The following EFNA5 variants were observed in gnomAD, a reference collection of about 807,000 sequenced individuals.
EFNA5 encodes ephrin-A5.
In EFNA5, 5 loss-of-function variants were observed where a neutral mutation model predicts 22.9. That is an observed-to-expected ratio of 0.22 (90% CI 0.11 to 0.46). The LOEUF (loss-of-function observed/expected upper bound fraction) is 0.46, where lower values mean the gene tolerates loss of function less well. Ranked by LOEUF, EFNA5 falls within the 20% of genes least tolerant of loss-of-function variation. The pLI, the probability that EFNA5 is intolerant of heterozygous loss-of-function variation, is 0.99. For synonymous variants in EFNA5, 113 were observed against 112.2 expected, an observed-to-expected ratio of 1.01 and a Z score of -0.04; for missense variants, 237 against 293.3, an observed-to-expected ratio of 0.81 and a Z score of 1.40.
chr5:107,422,262 T>C (rs1485382511), intron 2 of EFNA5, among the ~76,000 whole-genome samples: 1 of 152,212 alleles, frequency 6.6e-6, no homozygotes, highest in Admixed American at 6.5e-5. Flanking sequence ...TGGAACACAG[T>C]ACATGCTATA....
At chr5:107,523,317 T>C (rs17160097) in intron 1 of EFNA5, among the ~76,000 whole-genome samples, 2,175 of 151,994 alleles carry the variant, frequency 0.014, 52 homozygotes, top group African/African-American at 0.049. Context: ...TAAGAAATAG[T>C]CTCAGATATT....
chr5:107,557,976 T>C (rs1026795980), intron 1 of EFNA5, among the ~76,000 whole-genome samples: 3 of 152,182 alleles, frequency 2.0e-5, no homozygotes, highest in Non-Finnish European at 2.9e-5. Flanking sequence ...TGATAGTATC[T>C]ACCCCCACGG....
At chr5:107,598,872 G>T (rs1368801433) in intron 1 of EFNA5, among the ~76,000 whole-genome samples, 3 of 152,062 alleles carry the variant, frequency 2.0e-5, no homozygotes, top group Non-Finnish European at 4.4e-5. Context: ...ACATCTGACT[G>T]TGAACCATTT....
At chr5:107,556,084 T>G (rs1561431866) in intron 1 of EFNA5, among the ~76,000 whole-genome samples, 2 of 152,198 alleles carry the variant, frequency 1.3e-5, no homozygotes, top group Admixed American at 1.3e-4. Context: ...GTCTATTTGG[T>G]CAGTAAGTCA....
intron 2 of EFNA5, among the ~76,000 whole-genome samples, chr5:107,399,987 T>C (rs1440332136): frequency 6.6e-6 from 1 of 152,202 alleles, no homozygotes; most frequent in Non-Finnish European, 1.5e-5. Context: ...ATGAAACCTA[T>C]AATTTACGTG....
At chr5:107,414,298 C>T (rs1391263273) in intron 2 of EFNA5, among the ~76,000 whole-genome samples, 3 of 152,172 alleles carry the variant, frequency 2.0e-5, no homozygotes, top group Non-Finnish European at 4.4e-5. Flanking sequence ...CAATATGTTA[C>T]TACATCTTTA....
In EFNA5 at chr5:107,380,560, C is replaced by T. The variant is rs1747419919; in HGVS notation, c.*695G>A. Reference sequence around the variant, plus strand: ...TCACACCTGCTCTGTATTAGCATTCCACACCCAACCTGCCTCCTAGAAAAA... The same window carrying T: ...TCACACCTGCTCTGTATTAGCATTCTACACCCAACCTGCCTCCTAGAAAAA... On this transcript the variant is annotated 3_prime_UTR_variant, in exon 5 of 5. Transcript: ENST00000333274. The T allele has an allele frequency of 2.8e-6, 1 of 352,984 alleles. No individual in the cohort carries two copies. Among genetic ancestry groups the T allele is most frequent in the Non-Finnish European group, 5.0e-6 (1 of 199,688 alleles). 21.9% of individuals were successfully genotyped at this position (352,984 alleles called of 1,614,324 possible).
chr5:107,442,392 T>C lies in EFNA5; in HGVS notation c.126-14883A>G, dbSNP rs549697188. On this transcript the variant is annotated intron_variant, in intron 1 of 4. Transcript: ENST00000333274. ...AATAGTAGTTCTTTCCCAGGACCTA[T>C]AGATGTCATTCAAAATTCAGTACAT... Among the ~76,000 whole-genome samples, 5 of 152,300 alleles carry C rather than the reference T, an allele frequency of 3.3e-5. No homozygotes were observed. In the East Asian group the frequency reaches 7.7e-4, roughly 24 times the overall value.
At chr5:107,627,756 T>A (rs1750173078) in intron 1 of EFNA5, among the ~76,000 whole-genome samples, 1 of 152,166 alleles carries the variant, frequency 6.6e-6, no homozygotes. Context: ...GAATCATGTA[T>A]TTTATATTTG....
At chr5:107,590,190 A>G (rs980280521) in intron 1 of EFNA5, among the ~76,000 whole-genome samples, 2 of 152,170 alleles carry the variant, frequency 1.3e-5, no homozygotes, top group African/African-American at 4.8e-5. Context: ...GAAGGCTTTC[A>G]AGACCTTTAG....
chr5:107,418,169 A>G (rs901006272), intron 2 of EFNA5, among the ~76,000 whole-genome samples: 7 of 152,332 alleles, frequency 4.6e-5, no homozygotes. Context: ...ATAAGTTACT[A>G]AGAGAAACAC....
chr5:107,617,648 G>A (rs1467103364), intron 1 of EFNA5, among the ~76,000 whole-genome samples: 1 of 152,156 alleles, frequency 6.6e-6, no homozygotes, highest in East Asian at 1.9e-4. Flanking sequence ...AAGGAAATAG[G>A]AAGAATTAAT....
rs148513974 is a variant in EFNA5, at chr5:107,526,583, T to G, written c.126-99074A>C. 2.7e-3 allele frequency among the ~76,000 whole-genome samples: 415 copies of G among 152,342 alleles called. 1 individual carries two copies. Among genetic ancestry groups the G allele is most frequent in the Middle Eastern group, 0.01 (3 of 294 alleles). ...ATCATCTTTATATGTGCTTTTCTAT[T>G]CAGTCATGGATTATAAATAGATTCT... On this transcript the variant is annotated intron_variant, in intron 1 of 4. Transcript: ENST00000333274.
chr5:107,662,800 A>AG (rs1426390519), intron 1 of EFNA5, among the ~76,000 whole-genome samples: 1 of 150,806 alleles, frequency 6.6e-6, no homozygotes, highest in East Asian at 1.9e-4. Context: ...TAAAAAAAAA[A>AG]AAAAAAGGCA....
chr5:107,387,295 C>T lies in EFNA5; in HGVS notation c.505G>A (p.Gly169Ser). The part of the protein sequence containing the change: ...RPTNSCMKTI[G>S]VHDRVFDVND... ...ACATCGAAAACACGATCATGAACACCTATAGTTTTCATACAGCTATCTATA... is the reference window on the plus strand; with the variant it reads ...ACATCGAAAACACGATCATGAACACTTATAGTTTTCATACAGCTATCTATA... The change falls in exon 4 of 5, where the codon GGT becomes AGT. Residue 169 changes from glycine to serine, a missense_variant. Physicochemically the swap from Gly to Ser is moderately conservative, Grantham distance 56 (BLOSUM62 0). This residue lies in a region of EFNA5 where 104 missense variants were observed against 114.5 expected (regional missense o/e 0.91). Transcript: ENST00000333274. 6.2e-7 allele frequency: 1 copy of T among 1,601,274 alleles called. No homozygotes were observed. The highest frequency in any genetic ancestry group is 1.1e-5 in the South Asian group (1 of 88,992).
At chr5:107,412,621 C>T (rs141351892) in intron 2 of EFNA5, among the ~76,000 whole-genome samples, 1,611 of 152,252 alleles carry the variant, frequency 0.011, 13 homozygotes, top group Middle Eastern at 0.02. Flanking sequence ...GTGCACAAAA[C>T]CTGCCAACAG....
intron 1 of EFNA5, among the ~76,000 whole-genome samples, chr5:107,488,707 T>C (rs1369021211): frequency 2.0e-5 from 3 of 152,176 alleles, no homozygotes; most frequent in Non-Finnish European, 1.5e-5. Context: ...TCTTTTTTTT[T>C]CCAAGACAGC....
chr5:107,627,949 G>A (rs1450994925), intron 1 of EFNA5, among the ~76,000 whole-genome samples: 1 of 152,102 alleles, frequency 6.6e-6, no homozygotes, highest in Non-Finnish European at 1.5e-5. Context: ...CAATGAGAAT[G>A]AATTAAAATA....
intron 1 of EFNA5, among the ~76,000 whole-genome samples, chr5:107,588,852 G>A (rs924556227): frequency 6.6e-6 from 1 of 152,178 alleles, no homozygotes; most frequent in Non-Finnish European, 1.5e-5. Flanking sequence ...TCTATCTTTT[G>A]CACAAACATC....
Sources: allele counts gnomAD v4.1 joint callset (sites outside exome capture counted in the v4.1 genomes callset), GRCh38; gene constraint gnomAD v4.1.1; regional missense constraint gnomAD v4.1.1; transcripts MANE v1.5; gene names NCBI Gene and HGNC (gene_info 2026-07-23, HGNC 2026-07-21).